The following RANBP17 variants were observed in gnomAD, a reference collection of about 807,000 sequenced individuals.
RANBP17 encodes RAN binding protein 17.
In RANBP17, 158 loss-of-function variants were observed where a neutral mutation model predicts 141.2. The observed-to-expected ratio is 1.12, with a 90% CI of 0.98 to 1.28. The LOEUF is 1.28. RANBP17 is among the 50% of genes most tolerant of loss of function. The pLI, the probability that RANBP17 is intolerant of heterozygous loss-of-function variation, is 0.00. For synonymous variants in RANBP17, 430 were observed against 450.0 expected (o/e 0.96, Z 0.56); for missense variants, 1,438 against 1,290.7 (o/e 1.11, Z -1.75).
chr5:171,070,829 A>G (rs1784590947), intron 14 of RANBP17, among the ~76,000 whole-genome samples: 1 of 151,988 alleles, frequency 6.6e-6, no homozygotes, highest in Admixed American at 6.5e-5. Context: ...TTAGAACTTG[A>G]TTTTTACTCT....
chr5:171,265,857 G>A lies in RANBP17; in HGVS notation c.2943+10G>A. On this transcript the variant is annotated intron_variant, in intron 25 of 27. Coordinates refer to ENST00000523189, the MANE Select transcript of RANBP17 (RefSeq NM_022897.5). ...AGATGTCCTGCAGCAGGTAACTGGT[G>A]GTTGATCACCTGGCTTAAGAAACAA... The A allele has an allele frequency of 6.2e-7, 1 of 1,609,734 alleles. No individual in the cohort carries two copies. Among genetic ancestry groups the A allele is most frequent in the Non-Finnish European group, 8.5e-7 (1 of 1,177,968 alleles).
chr5:171,081,084 T>TA (rs1785235450), intron 14 of RANBP17, among the ~76,000 whole-genome samples: 1 of 152,188 alleles, frequency 6.6e-6, no homozygotes, highest in African/African-American at 2.4e-5. Context: ...TTCGTCTGAC[T>TA]AGTGATAGAA....
intron 14 of RANBP17, among the ~76,000 whole-genome samples, chr5:171,094,651 C>G (rs1786547379): frequency 6.6e-6 from 1 of 152,166 alleles, no homozygotes; most frequent in African/African-American, 2.4e-5. Flanking sequence ...TGTCTTCTAA[C>G]ATTACTTCTG....
chr5:171,183,917 T>C (rs1376193053), intron 18 of RANBP17, among the ~76,000 whole-genome samples: 1 of 152,184 alleles, frequency 6.6e-6, no homozygotes, highest in Non-Finnish European at 1.5e-5. Flanking sequence ...ACATGAAATT[T>C]TATATTATAA....
At chr5:171,172,687 T>C (rs1175607169) in intron 16 of RANBP17, among the ~76,000 whole-genome samples, 1 of 151,924 alleles carries the variant, frequency 6.6e-6, no homozygotes, top group Non-Finnish European at 1.5e-5. Flanking sequence ...AGTTATTTTA[T>C]AGCATATATC....
intron 14 of RANBP17, among the ~76,000 whole-genome samples, chr5:171,048,074 A>AT (rs1420721212): frequency 6.6e-6 from 1 of 151,716 alleles, no homozygotes; most frequent in African/African-American, 2.4e-5. Flanking sequence ...TTTCTGATAG[A>AT]TTTTTTTGTT....
chr5:171,007,044 G>A (rs7724834), intron 14 of RANBP17, among the ~76,000 whole-genome samples: 84,049 of 152,002 alleles, frequency 0.55, 26,293 homozygotes, highest in South Asian at 0.81. Flanking sequence ...TCATGAAGCC[G>A]GTGGTTATCA....
intron 14 of RANBP17, among the ~76,000 whole-genome samples, chr5:171,117,723 A>C (rs1185001446): frequency 6.6e-6 from 1 of 151,792 alleles, no homozygotes; most frequent in Non-Finnish European, 1.5e-5. Flanking sequence ...CGAACTCCTG[A>C]CCTTGTTGAT....
rs1204102034 is a variant in RANBP17, at chr5:171,242,425, A to G, written c.2638-257A>G. Among the ~76,000 whole-genome samples the G allele has an allele frequency of 2.6e-5, 4 of 152,216 alleles. No individual in the cohort carries two copies. The East Asian group carries it at 7.7e-4, about 29-fold the overall frequency. The stretch of plus-strand genomic sequence containing the variant: ...ATTCCAATCCAGAAAAATAATTCAC[A>G]CAGTCTTCTAAATATCGTACTGCAG... On this transcript the variant is annotated intron_variant, in intron 23 of 27. Coordinates refer to ENST00000523189, the MANE Select transcript of RANBP17 (RefSeq NM_022897.5).
intron 12 of RANBP17, among the ~76,000 whole-genome samples, chr5:170,934,337 A>G (rs544547145): frequency 2.1e-3 from 315 of 152,276 alleles, no homozygotes; most frequent in Non-Finnish European, 3.8e-3. Flanking sequence ...TCCTGAATAC[A>G]GCACACTGAT....
Position 170,963,366 on chromosome 5 carries a change from C to T in RANBP17, c.1575-4876C>T, listed in dbSNP as rs548294319. 3.3e-3 allele frequency among the ~76,000 whole-genome samples: 495 copies of T among 152,194 alleles called. 2 individuals carry two copies. The highest frequency in any genetic ancestry group is 0.011 in the African/African-American group (465 of 41,542). On this transcript the variant is annotated intron_variant, in intron 13 of 27. Transcript: ENST00000523189. The stretch of plus-strand genomic sequence containing the variant: ...AGAGGTAAATGTAGAAAACAAGAAT[C>T]ACAAAAATACCTGATTCAGGTAAGA...
intron 13 of RANBP17, among the ~76,000 whole-genome samples, chr5:170,965,545 G>A (rs1272865858): frequency 6.6e-6 from 1 of 152,178 alleles, no homozygotes; most frequent in Non-Finnish European, 1.5e-5. Flanking sequence ...TAACATGTAA[G>A]TCTTTAATCC....
At chr5:171,078,512 C>G (rs984350010) in intron 14 of RANBP17, among the ~76,000 whole-genome samples, 15 of 152,214 alleles carry the variant, frequency 9.9e-5, no homozygotes, top group Non-Finnish European at 1.8e-4. Context: ...AAAATGCCAT[C>G]TAGAACTTTC....
At position 171,212,425 on chromosome 5, in the gene RANBP17, GAGA is replaced by G. The variant is rs150099843; in HGVS notation, c.2232-1200_2232-1198del. Among the ~76,000 whole-genome samples the G allele has an allele frequency of 1.8e-3, 268 of 152,322 alleles. 2 individuals are homozygous for G. Among genetic ancestry groups the G allele is most frequent in the African/African-American group, 6.3e-3 (260 of 41,582 alleles). On this transcript the variant is annotated intron_variant, in intron 20 of 27. Transcript: ENST00000523189. ...TATTGAAAGACAGGGATATGTTAGA[GAGA>G]AGAAGTGGTTTATAAGGGAATGGAG... is the stretch of plus-strand genomic sequence containing the variant.
At chr5:171,260,692 AAAACTTCACATGTACACTAT>A (rs1766252007) in intron 24 of RANBP17, among the ~76,000 whole-genome samples, 1 of 152,160 alleles carries the variant, frequency 6.6e-6, no homozygotes. Context: ...TACTTATAAC[AAAACTTCACATGTACACTAT>A]AAATTTGTAC....
At chr5:171,028,278 GA>G (rs1181964143) in intron 14 of RANBP17, among the ~76,000 whole-genome samples, 13 of 151,950 alleles carry the variant, frequency 8.6e-5, no homozygotes, top group African/African-American at 2.4e-5. Flanking sequence ...AATATTGAAA[GA>G]AAAAAATCAT....
chr5:170,946,281 G>A (rs980693888), intron 12 of RANBP17, among the ~76,000 whole-genome samples: 3 of 151,968 alleles, frequency 2.0e-5, no homozygotes, highest in African/African-American at 7.3e-5. Flanking sequence ...TAACAGGAAG[G>A]TAATTATTTA....
At chr5:171,161,499 A>G in intron 14 of RANBP17, 1 of 191,228 alleles carries the variant, frequency 5.2e-6, no homozygotes, top group Non-Finnish European at 1.1e-5. Context: ...ATGGTGGACC[A>G]GCAATCTTTA....
intron 24 of RANBP17, 74 bp downstream of exon 24, chr5:171,242,894 A>G: frequency 3.0e-6 from 4 of 1,350,000 alleles, no homozygotes; most frequent in South Asian, 1.2e-5. Context: ...GATTATTGAG[A>G]CTATCATCCT....
Sources: gnomAD v4.1 joint callset for allele counts (sites outside exome capture counted in the v4.1 genomes callset) on GRCh38, gnomAD v4.1.1 for gene constraint, MANE v1.5 for transcripts, NCBI Gene and HGNC (gene_info 2026-07-23, HGNC 2026-07-21) for gene names.